Variants in FRK observed in about 807,000 individuals in gnomAD.
FRK encodes tyrosine-protein kinase FRK.
Under a neutral mutation model 56.4 loss-of-function variants are expected in FRK, and 51 were observed. The ratio of observed to expected loss-of-function variants is 0.90; its 90% CI spans 0.72 to 1.14. FRK has a LOEUF of 1.14. Among genes scored for constraint, FRK ranks in the 50% most tolerant of loss-of-function variants. The probability of loss-of-function intolerance (pLI) is 0.00; values close to 1 mark genes in which losing one functional copy is unlikely to be tolerated. For missense variants in FRK, 570 were observed against 601.4 expected, an observed-to-expected ratio of 0.95 and a Z score of 0.55; for synonymous variants, 245 against 217.9, an observed-to-expected ratio of 1.12 and a Z score of -1.10.
At chr6:116,027,871 G>A (rs1776152954) in intron 1 of FRK, among the ~76,000 whole-genome samples, 2 of 151,906 alleles carry the variant, frequency 1.3e-5, no homozygotes, top group African/African-American at 4.8e-5. Flanking sequence ...GGAGTGGACA[G>A]GACAGTCAGA....
the FRK span, among the ~76,000 whole-genome samples, chr6:116,078,639 C>T: frequency 5.3e-5 from 8 of 152,256 alleles, no homozygotes; most frequent in African/African-American, 1.7e-4. Context: ...AAACATATAG[C>T]TTAACAAGTT....
intron 1 of FRK, among the ~76,000 whole-genome samples, chr6:116,005,165 G>A (rs935303477): frequency 8.5e-5 from 13 of 152,140 alleles, no homozygotes; most frequent in African/African-American, 2.9e-4. Context: ...AATGCAGGGT[G>A]TTCGTTTATC....
the FRK span, among the ~76,000 whole-genome samples, chr6:116,092,843 A>C: frequency 6.6e-6 from 1 of 152,180 alleles, no homozygotes; most frequent in Non-Finnish European, 1.5e-5. Flanking sequence ...ACACTCAGTC[A>C]TCAACAGGCT....
At chr6:116,081,889 G>A in the FRK span, among the ~76,000 whole-genome samples, 48 of 152,058 alleles carry the variant, frequency 3.2e-4, no homozygotes, top group Admixed American at 8.5e-4. Flanking sequence ...CTGTCCTCAT[G>A]GAGATTTACA....
chr6:116,082,836 G>T, the FRK span, among the ~76,000 whole-genome samples: 41 of 152,112 alleles, frequency 2.7e-4, 1 homozygote, highest in African/African-American at 9.9e-4. Context: ...GAATAAAAAT[G>T]TTGGAGTTTT....
chr6:115,958,614 T>C (rs1773111138), intron 4 of FRK, among the ~76,000 whole-genome samples: 2 of 115,122 alleles, frequency 1.7e-5, no homozygotes, highest in Non-Finnish European at 1.8e-5. Context: ...GGAAATAGAG[T>C]GAGACTCTGT....
At chr6:116,057,041 C>G (rs968415051) in intron 1 of FRK, among the ~76,000 whole-genome samples, 4 of 152,144 alleles carry the variant, frequency 2.6e-5, no homozygotes, top group Admixed American at 6.5e-5. Flanking sequence ...TTCCCTGGCA[C>G]CAATAACTCC....
chr6:115,952,058 A>T, intron 5 of FRK, among the ~76,000 whole-genome samples: 1 of 151,728 alleles, frequency 6.6e-6, no homozygotes, highest in Non-Finnish European at 1.5e-5. Flanking sequence ...AATTTGTTTG[A>T]GTTCATTATA....
chr6:116,011,906 C>T (rs190472410), intron 1 of FRK, among the ~76,000 whole-genome samples: 10 of 152,198 alleles, frequency 6.6e-5, no homozygotes, highest in Admixed American at 1.3e-4. Flanking sequence ...AAACCTTCTT[C>T]GGCTCAGTAT....
Position 116,021,203 on chromosome 6 carries a change from T to C in FRK, c.345-17205A>G, listed in dbSNP as rs1692958522. ...GAAAGAATAAAAAAAAAAAAGACCA[T>C]GCTTGCTTACAAGTTTACATTACAG... is the stretch of plus-strand genomic sequence containing the variant. On this transcript the variant is annotated intron_variant, in intron 1 of 7. Coordinates refer to ENST00000606080, the MANE Select transcript of FRK (RefSeq NM_002031.3). 2.0e-5 allele frequency among the ~76,000 whole-genome samples: 3 copies of C among 150,212 alleles called. No homozygotes were observed. In the South Asian group the frequency reaches 6.3e-4, roughly 31 times the overall value.
At chr6:116,010,144 C>T (rs551924059) in intron 1 of FRK, among the ~76,000 whole-genome samples, 23 of 151,904 alleles carry the variant, frequency 1.5e-4, no homozygotes, top group Non-Finnish European at 2.8e-4. Flanking sequence ...ATCGCTTGAA[C>T]CAAGGAGGCG....
intron 4 of FRK, 38 bp downstream of exon 4, chr6:115,967,513 A>C (rs1218141606): frequency 1.3e-6 from 2 of 1,594,330 alleles, no homozygotes; most frequent in Non-Finnish European, 1.7e-6. Context: ...AGCTCATAAA[A>C]ATCAACATAT....
At chr6:115,989,454 C>A (rs1396174367) in intron 2 of FRK, among the ~76,000 whole-genome samples, 2 of 151,804 alleles carry the variant, frequency 1.3e-5, no homozygotes, top group Non-Finnish European at 2.9e-5. Context: ...CCATCCTACC[C>A]CTTTGTTGAG....
the FRK span, among the ~76,000 whole-genome samples, chr6:116,075,465 GAAAAA>G: frequency 7.3e-6 from 1 of 136,438 alleles, no homozygotes. Context: ...AGAGCTGGGG[GAAAAA>G]AAAAAAAAAA....
At chr6:116,055,178 A>G (rs1777343027) in intron 1 of FRK, among the ~76,000 whole-genome samples, 1 of 152,296 alleles carries the variant, frequency 6.6e-6, no homozygotes, top group Non-Finnish European at 1.5e-5. Flanking sequence ...GACAATGGCA[A>G]TCATCATAGG....
In FRK at chr6:116,033,037, A is replaced by G. The variant is rs574383060; in HGVS notation, c.344+26931T>C. ...AACGTAGCCTTTTGTTGTCATTTTTAGAAATACTAGAGACTATTTTCACCT... is the reference window on the plus strand; with the variant it reads ...AACGTAGCCTTTTGTTGTCATTTTTGGAAATACTAGAGACTATTTTCACCT... On this transcript the variant is annotated intron_variant, in intron 1 of 7. Transcript: ENST00000606080. Among the ~76,000 whole-genome samples, 8 of 152,274 alleles carry G rather than the reference A, an allele frequency of 5.3e-5. No homozygotes were observed. In the East Asian group the frequency reaches 1.3e-3, roughly 26 times the overall value.
At chr6:115,987,306 A>C (rs1051968372) in intron 2 of FRK, among the ~76,000 whole-genome samples, 1 of 151,988 alleles carries the variant, frequency 6.6e-6, no homozygotes. Flanking sequence ...TGACTTGCCT[A>C]AAGCCACAGT....
chr6:115,986,944 C>T (rs1774418397), intron 2 of FRK, among the ~76,000 whole-genome samples: 2 of 151,886 alleles, frequency 1.3e-5, no homozygotes, highest in African/African-American at 2.4e-5. Context: ...CTAAATTATC[C>T]AAACAAACAA....
intron 2 of FRK, among the ~76,000 whole-genome samples, chr6:115,993,346 G>C (rs983307311): frequency 6.6e-6 from 1 of 151,728 alleles, no homozygotes; most frequent in African/African-American, 2.4e-5. Flanking sequence ...GTTTTGATAC[G>C]TAATGCTGTG....
Sources: gnomAD v4.1 joint callset for allele counts (sites outside exome capture counted in the v4.1 genomes callset) on GRCh38, gnomAD v4.1.1 for gene constraint, MANE v1.5 for transcripts, NCBI Gene and HGNC (gene_info 2026-07-23, HGNC 2026-07-21) for gene names.